Variants in SNURF observed in about 807,000 individuals in gnomAD.
SNURF encodes the protein SNURF protein.
Under a neutral mutation model 11.6 loss-of-function variants are expected in SNURF, and 6 were observed. The ratio of observed to expected loss-of-function variants is 0.52; its 90% CI spans 0.28 to 1.02. The LOEUF is 1.02. Among genes scored for constraint, SNURF ranks in the 50% least tolerant of loss-of-function variants. SNURF has a pLI of 0.09. For synonymous variants in SNURF, 29 were observed against 31.6 expected (o/e 0.92, Z 0.27); for missense variants, 84 against 88.4 (o/e 0.95, Z 0.20).
At chr15:24,966,501 A>G (rs1157431210) in intron 2 of SNURF, among the ~76,000 whole-genome samples, 1 of 151,814 alleles carries the variant, frequency 6.6e-6, no homozygotes, top group Non-Finnish European at 1.5e-5. Context: ...TCAGTCAGCA[A>G]CTCTCCTGCC....
In SNURF at chr15:24,967,806, T is replaced by TG. The variant is rs1422623792; in HGVS notation, c.111-124dup. ...CTGGGCAACAGAATGAGACCCTGTC[T>TG]GGAAAAAAAAAAAAAAAAAAAAGGA... is the stretch of plus-strand genomic sequence containing the variant. On this transcript the variant is annotated intron_variant, in intron 2 of 2. Coordinates refer to ENST00000577949, the Ensembl canonical transcript of SNURF. 58 of 700,624 alleles carry TG rather than the reference T, an allele frequency of 8.3e-5. No homozygotes were observed. The African/African-American group carries it at 1.1e-3, about 13-fold the overall frequency. The allele number at this position is 700,624 out of a possible 1,614,324, so 43.4% of individuals were successfully genotyped here.
intron 3 of SNURF, chr15:24,974,801 C>T (rs749915715): frequency 6.3e-6 from 4 of 639,384 alleles, no homozygotes; most frequent in Non-Finnish European, 1.1e-5. Flanking sequence ...TCTGGTGATC[C>T]ACCCACCTCG....
At chr15:24,969,587 G>A (rs979789208), downstream of SNURF, among the ~76,000 whole-genome samples, 1 of 151,676 alleles carries the variant, frequency 6.6e-6, no homozygotes, top group African/African-American at 2.4e-5. Flanking sequence ...CATTGAATAG[G>A]TGTGCACAAC....
At chr15:24,974,668 TG>T (rs1255547636) in intron 3 of SNURF, 15 of 629,050 alleles carry the variant, frequency 2.4e-5, no homozygotes, top group Non-Finnish European at 4.0e-5. Flanking sequence ...TCTCCCAGTC[TG>T]GAGTGCAGTG....
chr15:24,976,242 A>T, intron 4 of SNURF: 1 of 1,240,614 alleles, frequency 8.1e-7, no homozygotes, highest in Non-Finnish European at 1.2e-6. Context: ...AGGTTGTATA[A>T]ATATTTTGAT....
intron 6 of SNURF, chr15:24,977,704 T>C (rs1327575221): frequency 2.2e-6 from 3 of 1,380,950 alleles, no homozygotes; most frequent in Non-Finnish European, 2.9e-6. Flanking sequence ...TGGTCATTTT[T>C]CTCATTTATT....
chr15:24,974,834 C>T (rs910018241), intron 3 of SNURF: 2 of 681,020 alleles, frequency 2.9e-6, no homozygotes, highest in Non-Finnish European at 5.3e-6. Flanking sequence ...GCTGGGATTA[C>T]AGGCATGAGA....
chr15:24,955,106 C>T (rs756461676), intron 1 of SNURF, 44 bp downstream of exon 1: 7 of 1,613,030 alleles, frequency 4.3e-6, no homozygotes, highest in East Asian at 2.2e-5. Flanking sequence ...GCCTGGGGAG[C>T]GGCCACTTTT....
intron 1 of SNURF, among the ~76,000 whole-genome samples, chr15:24,956,156 T>G (rs2062829794): frequency 6.6e-6 from 1 of 152,128 alleles, no homozygotes; most frequent in Non-Finnish European, 1.5e-5. Context: ...GTGCAGAACT[T>G]GCATTTACAG....
chr15:24,960,809 A>T (rs1225816599), intron 1 of SNURF, among the ~76,000 whole-genome samples: 1 of 152,192 alleles, frequency 6.6e-6, no homozygotes, highest in Non-Finnish European at 1.5e-5. Context: ...GGTGTGAGTG[A>T]CATACAAAAG....
At chr15:24,972,127 G>A (rs1211745039), downstream of SNURF, among the ~76,000 whole-genome samples, 1 of 151,784 alleles carries the variant, frequency 6.6e-6, no homozygotes, top group Non-Finnish European at 1.5e-5. Flanking sequence ...GTGGTGGCGG[G>A]CGCCTGTAAT....
intron 2 of SNURF, among the ~76,000 whole-genome samples, chr15:24,964,626 G>GT (rs1172324996): frequency 6.6e-6 from 1 of 151,912 alleles, no homozygotes; most frequent in Non-Finnish European, 1.5e-5. Flanking sequence ...CAGCTCTGAC[G>GT]TTTTTTTAAA....
chr15:24,978,258 C>A (rs1479506378), downstream of SNURF: 41 of 1,613,716 alleles, frequency 2.5e-5, no homozygotes, highest in Non-Finnish European at 3.4e-5. Flanking sequence ...TCCCCCTGCT[C>A]GAGGGACGCC....
At chr15:24,976,172 G>T in intron 4 of SNURF, 10 of 690,994 alleles carry the variant, frequency 1.4e-5, no homozygotes, top group Admixed American at 1.1e-4. Flanking sequence ...ATATTTTTTG[G>T]CTTGTTTTTC....
At chr15:24,955,309 C>T (rs1017282675) in intron 1 of SNURF, among the ~76,000 whole-genome samples, 7 of 151,984 alleles carry the variant, frequency 4.6e-5, no homozygotes, top group African/African-American at 1.4e-4. Context: ...GGTGTCGCGA[C>T]AGGTCCTATT....
At chr15:24,966,842 G>C (rs1033476260) in intron 2 of SNURF, among the ~76,000 whole-genome samples, 4 of 152,052 alleles carry the variant, frequency 2.6e-5, no homozygotes, top group Admixed American at 2.6e-4. Flanking sequence ...TGATCCCCCA[G>C]CTCCTCACCT....
downstream of SNURF, among the ~76,000 whole-genome samples, chr15:24,973,155 T>C (rs2076646802): frequency 6.6e-6 from 1 of 151,878 alleles, no homozygotes; most frequent in Non-Finnish European, 1.5e-5. Flanking sequence ...TCCCAAAGTG[T>C]TGGGATTATG....
downstream of SNURF, chr15:24,978,016 G>T: frequency 7.9e-7 from 1 of 1,273,836 alleles, no homozygotes; most frequent in Non-Finnish European, 1.1e-6. Flanking sequence ...TGGGGAATAT[G>T]CTTCCTTCTT....
At chr15:24,957,027 T>G (rs1596172958) in intron 1 of SNURF, among the ~76,000 whole-genome samples, 1 of 152,236 alleles carries the variant, frequency 6.6e-6, no homozygotes, top group African/African-American at 2.4e-5. Context: ...TTTTTGTAGT[T>G]CCTCTCTTGG....
Sources: allele counts gnomAD v4.1 joint callset (sites outside exome capture counted in the v4.1 genomes callset), GRCh38; gene constraint gnomAD v4.1.1; transcripts MANE v1.5; gene names NCBI Gene and HGNC (gene_info 2026-07-23, HGNC 2026-07-21).